The following ANKRD31 variants were observed in gnomAD, a reference collection of about 807,000 sequenced individuals.
The protein encoded by ANKRD31 is ankyrin repeat domain-containing protein 31.
A neutral mutation model predicts 186.0 loss-of-function variants in ANKRD31; 147 were observed. The observed-to-expected ratio is 0.79, with a 90% CI of 0.69 to 0.91. The LOEUF is 0.91. ANKRD31 is among the 40% of genes least tolerant of loss of function. The pLI, the probability that ANKRD31 is intolerant of heterozygous loss-of-function variation, is 0.00. For synonymous variants in ANKRD31, 673 were observed against 736.4 expected (o/e 0.91, Z 1.39); for missense variants, 1,986 against 2,148.8 (o/e 0.92, Z 1.50).
At chr5:75,149,939 T>G (rs1270357791) in intron 12 of ANKRD31, among the ~76,000 whole-genome samples, 2 of 151,890 alleles carry the variant, frequency 1.3e-5, no homozygotes, top group Non-Finnish European at 2.9e-5. Context: ...AGGGCTTTAT[T>G]TTCTCTGAGT....
intron 21 of ANKRD31, 136 bp from the exon 22 acceptor site, chr5:75,105,354 A>C: frequency 1.0e-6 from 1 of 959,718 alleles, no homozygotes; most frequent in Non-Finnish European, 1.4e-6. Context: ...TGTGCAATTT[A>C]CTGCCTTTGA....
At chr5:75,079,541 C>A (rs527535430) in intron 25 of ANKRD31, among the ~76,000 whole-genome samples, 2 of 151,560 alleles carry the variant, frequency 1.3e-5, no homozygotes, top group South Asian at 2.1e-4. Context: ...GTGGCATGAT[C>A]TCAGCTTACT....
intron 11 of ANKRD31, among the ~76,000 whole-genome samples, chr5:75,161,027 A>T (rs541062055): frequency 6.6e-6 from 1 of 152,248 alleles, no homozygotes; most frequent in Non-Finnish European, 1.5e-5. Flanking sequence ...TGTAAAAACA[A>T]ACTAAAACAG....
chr5:75,233,033 G>T (rs4295370), intron 1 of ANKRD31, among the ~76,000 whole-genome samples: 76,491 of 151,114 alleles, frequency 0.51, 22,221 homozygotes, highest in African/African-American at 0.81. Context: ...AAGCACATAG[G>T]TTCTACCATT....
At chr5:75,184,021 G>A (rs58869372) in intron 10 of ANKRD31, among the ~76,000 whole-genome samples, 7,427 of 151,910 alleles carry the variant, frequency 0.049, 392 homozygotes, top group African/African-American at 0.13. Context: ...CTCTATTAAT[G>A]AGAAGATCAT....
intron 11 of ANKRD31, among the ~76,000 whole-genome samples, chr5:75,160,697 C>A (rs1027788366): frequency 6.6e-6 from 1 of 152,166 alleles, no homozygotes; most frequent in African/African-American, 2.4e-5. Flanking sequence ...TGTGTCCCCA[C>A]TCAAATCTCA....
chr5:75,104,744 T>C lies in ANKRD31; in HGVS notation c.4815A>G (p.Gln1605=), dbSNP rs1747192806. The change falls in exon 22 of 26, where the codon CAA becomes CAG. Residue 1605 remains glutamine, a synonymous_variant. Transcript: ENST00000506364. ...DGTEKNKLPS[Q]PVAFIGQTEY... The stretch of plus-strand genomic sequence containing the variant: ...CTGTTTGACCAATAAAAGCAACAGG[T>C]TGGGATGGTAATTTATTCTTCTCTG... 1.3e-6 allele frequency: 2 copies of C among 1,537,064 alleles called. No individual in the cohort carries two copies. Among genetic ancestry groups the C allele is most frequent in the South Asian group, 1.2e-5 (1 of 84,062 alleles).
At chr5:75,114,000 C>A (rs1747992766) in intron 19 of ANKRD31, among the ~76,000 whole-genome samples, 1 of 152,024 alleles carries the variant, frequency 6.6e-6, no homozygotes, top group South Asian at 2.1e-4. Context: ...CACTGTGGGC[C>A]AAGACTTATC....
rs185955233 is a variant in ANKRD31, at chr5:75,131,824, G to A, written c.3876+6032C>T. Among the ~76,000 whole-genome samples the A allele has an allele frequency of 7.9e-5, 12 of 152,280 alleles. No homozygotes were observed. The East Asian group carries it at 2.3e-3, about 29-fold the overall frequency. ...TCTGAGACAAAGCTTCCAGAGGAAGGATCAGGCAGCAACATTTGCCGTTCT... is the reference window on the plus strand; with the variant it reads ...TCTGAGACAAAGCTTCCAGAGGAAGAATCAGGCAGCAACATTTGCCGTTCT... On this transcript the variant is annotated intron_variant, in intron 17 of 25. Coordinates refer to ENST00000506364, the MANE Select transcript of ANKRD31 (RefSeq NM_001372053.1).
intron 17 of ANKRD31, among the ~76,000 whole-genome samples, chr5:75,134,334 C>A (rs922459829): frequency 6.6e-6 from 1 of 152,086 alleles, no homozygotes; most frequent in African/African-American, 2.4e-5. Context: ...AAGGTGATAT[C>A]ACCACCGATT....
At chr5:75,096,393 C>A (rs1325946083) in intron 22 of ANKRD31, among the ~76,000 whole-genome samples, 2 of 151,938 alleles carry the variant, frequency 1.3e-5, no homozygotes, top group Non-Finnish European at 2.9e-5. Flanking sequence ...GTTTAAGTTC[C>A]TTGTAGATTC....
chr5:75,180,227 T>G (rs779428587), intron 10 of ANKRD31, among the ~76,000 whole-genome samples: 61 of 152,156 alleles, frequency 4.0e-4, no homozygotes, highest in Non-Finnish European at 7.8e-4. Flanking sequence ...CTCAATGAAA[T>G]GAAAGAGGAT....
intron 2 of ANKRD31, among the ~76,000 whole-genome samples, chr5:75,223,517 A>C (rs1175878995): frequency 6.6e-6 from 1 of 152,198 alleles, no homozygotes; most frequent in African/African-American, 2.4e-5. Flanking sequence ...CATATTTTTT[A>C]ACCTTCCAAG....
At chr5:75,166,969 A>G (rs1752966886) in intron 11 of ANKRD31, among the ~76,000 whole-genome samples, 1 of 152,122 alleles carries the variant, frequency 6.6e-6, no homozygotes, top group Non-Finnish European at 1.5e-5. Flanking sequence ...TAAAGAATAT[A>G]ATTCATTGTT....
At chr5:75,229,896 A>C (rs909996114) in intron 2 of ANKRD31, among the ~76,000 whole-genome samples, 4 of 142,032 alleles carry the variant, frequency 2.8e-5, no homozygotes, top group Middle Eastern at 3.7e-3. Flanking sequence ...AACAAAAAAA[A>C]CATCAATTCC....
chr5:75,234,833 GT>G (rs143164386), intron 1 of ANKRD31, among the ~76,000 whole-genome samples: 2 of 150,424 alleles, frequency 1.3e-5, no homozygotes, highest in East Asian at 3.9e-4. Context: ...ATACTTTTTG[GT>G]TTTTTTTTAA....
At chr5:75,172,708 T>A (rs1027103279) in intron 10 of ANKRD31, among the ~76,000 whole-genome samples, 1 of 152,160 alleles carries the variant, frequency 6.6e-6, no homozygotes, top group Admixed American at 6.5e-5. Flanking sequence ...AATCTCTGAA[T>A]AGACCAATAA....
At chr5:75,103,310 C>A (rs1747061265) in intron 22 of ANKRD31, among the ~76,000 whole-genome samples, 1 of 152,172 alleles carries the variant, frequency 6.6e-6, no homozygotes, top group Non-Finnish European at 1.5e-5. Flanking sequence ...TACCCTCTCA[C>A]ACCACTCAGA....
intron 3 of ANKRD31, among the ~76,000 whole-genome samples, chr5:75,220,514 T>C (rs934112881): frequency 4.6e-5 from 7 of 151,954 alleles, no homozygotes; most frequent in Admixed American, 6.6e-5. Context: ...TGATGGTGCA[T>C]GCCTGTAATT....
Sources: gnomAD v4.1 joint callset for allele counts (sites outside exome capture counted in the v4.1 genomes callset) on GRCh38, gnomAD v4.1.1 for gene constraint, MANE v1.5 for transcripts, NCBI Gene and HGNC (gene_info 2026-07-23, HGNC 2026-07-21) for gene names.